NAALADL2: variants seen among roughly 807,000 people sequenced by gnomAD.
NAALADL2 encodes inactive N-acetylated-alpha-linked acidic dipeptidase-like protein 2.
In NAALADL2, 76 loss-of-function variants were observed where a neutral mutation model predicts 87.2. The ratio of observed to expected loss-of-function variants is 0.87; its 90% CI spans 0.72 to 1.05. NAALADL2 has a LOEUF of 1.05. Among genes scored for constraint, NAALADL2 ranks in the 50% least tolerant of loss-of-function variants. The pLI is 0.00. For synonymous variants in NAALADL2, 354 were observed against 331.0 expected (o/e 1.07, Z -0.75); for missense variants, 1,089 against 945.8 (o/e 1.15, Z -1.99).
In NAALADL2 at chr3:175,037,973, G is replaced by A. The variant is rs550157887; in HGVS notation, c.44-58817G>A. Among the ~76,000 whole-genome samples, 74 of 152,238 alleles carry A rather than the reference G, an allele frequency of 4.9e-4. 1 individual carries two copies. The highest frequency in any genetic ancestry group is 4.4e-3 in the South Asian group (21 of 4,826). ...CGTGGATTTAAAAAGCCGAAGTAAA[G>A]ACTTTCTTGGCCTCCCTCCTAATTG... is the stretch of plus-strand genomic sequence containing the variant. On this transcript the variant is annotated intron_variant, in intron 1 of 13. Coordinates refer to ENST00000454872, the MANE Select transcript of NAALADL2 (RefSeq NM_207015.3).
chr3:175,592,307 CTTTTTTTT>C (rs758914649), intron 10 of NAALADL2, among the ~76,000 whole-genome samples: 2 of 43,248 alleles, frequency 4.6e-5, no homozygotes, highest in Non-Finnish European at 7.2e-5. Context: ...TTTTTCTTTT[CTTTTTTTT>C]TTTTTTTTTG....
rs117865739 is a variant in NAALADL2, at chr3:175,374,699, C to G, written c.1090+50374C>G. 4.5e-4 allele frequency among the ~76,000 whole-genome samples: 67 copies of G among 149,320 alleles called. No individual in the cohort carries two copies. In the East Asian group the frequency reaches 0.013, roughly 30 times the overall value. ...ACCAGCCTGGGCAACATGGAGAAAA[C>G]TCATCTCTGCAGAAAATGGAAAAAT... On this transcript the variant is annotated intron_variant, in intron 5 of 13. Coordinates refer to ENST00000454872, the MANE Select transcript of NAALADL2 (RefSeq NM_207015.3).
At chr3:174,754,094 T>C (rs1711641789) in intron 3 of NAALADL2, among the ~76,000 whole-genome samples, 1 of 152,208 alleles carries the variant, frequency 6.6e-6, no homozygotes, top group African/African-American at 2.4e-5. Flanking sequence ...TTATGGCAGC[T>C]TGAGCTAAGA....
chr3:174,605,798 C>A (rs940280642), intron 2 of NAALADL2, among the ~76,000 whole-genome samples: 2 of 152,142 alleles, frequency 1.3e-5, no homozygotes, highest in Non-Finnish European at 2.9e-5. Flanking sequence ...CCCTGTTTGA[C>A]AGCTTTGAAG....
chr3:174,898,773 A>G (rs547086044), intron 1 of NAALADL2, among the ~76,000 whole-genome samples: 247 of 147,034 alleles, frequency 1.7e-3, no homozygotes, highest in African/African-American at 5.7e-3. Context: ...AGATAAAACT[A>G]AACTGTATTT....
chr3:175,712,923 G>A (rs1740723644), intron 11 of NAALADL2, among the ~76,000 whole-genome samples: 1 of 152,022 alleles, frequency 6.6e-6, no homozygotes, highest in Non-Finnish European at 1.5e-5. Context: ...CTGAGATTTG[G>A]GGGGTTAGAT....
intron 4 of NAALADL2, among the ~76,000 whole-genome samples, chr3:175,303,477 A>G (rs1457271441): frequency 6.6e-6 from 1 of 152,116 alleles, no homozygotes; most frequent in Non-Finnish European, 1.5e-5. Flanking sequence ...AAAATTTCCC[A>G]TATTTCTGAT....
intron 2 of NAALADL2, among the ~76,000 whole-genome samples, chr3:174,567,234 A>C (rs1287261875): frequency 1.3e-5 from 2 of 151,648 alleles, no homozygotes; most frequent in Non-Finnish European, 3.0e-5. Flanking sequence ...CATTTAATAA[A>C]ATTGGAAATA....
At chr3:174,710,435 G>A (rs2108912258) in intron 2 of NAALADL2, among the ~76,000 whole-genome samples, 1 of 152,028 alleles carries the variant, frequency 6.6e-6, no homozygotes, top group Middle Eastern at 3.4e-3. Flanking sequence ...TGTATTTTTA[G>A]TAGAGACGGG....
chr3:175,550,216 G>A (rs1714117123), intron 9 of NAALADL2, among the ~76,000 whole-genome samples: 1 of 152,090 alleles, frequency 6.6e-6, no homozygotes, highest in Non-Finnish European at 1.5e-5. Flanking sequence ...CTGTCAACAT[G>A]ATATTTTAAA....
chr3:175,711,193 T>C (rs1480801177), intron 11 of NAALADL2, among the ~76,000 whole-genome samples: 1 of 151,878 alleles, frequency 6.6e-6, no homozygotes, highest in African/African-American at 2.4e-5. Flanking sequence ...ATTATATATA[T>C]TATTTTAATT....
At chr3:174,493,119 T>G (rs1336493348) in intron 1 of NAALADL2, among the ~76,000 whole-genome samples, 1 of 152,192 alleles carries the variant, frequency 6.6e-6, no homozygotes, top group East Asian at 1.9e-4. Flanking sequence ...CCAGCTTTTT[T>G]ATTTGAGTGA....
chr3:175,765,349 A>G (rs1221662664), intron 13 of NAALADL2, among the ~76,000 whole-genome samples: 2 of 152,154 alleles, frequency 1.3e-5, no homozygotes, highest in Non-Finnish European at 2.9e-5. Flanking sequence ...TAAAAGGAGC[A>G]GAAAAGCCCC....
rs528272427 is a variant in NAALADL2, at chr3:174,982,964, AT to A, written c.44-113819del. 9.2e-5 allele frequency among the ~76,000 whole-genome samples: 14 copies of A among 152,054 alleles called. 1 individual carries two copies. The South Asian group carries it at 2.7e-3, about 29-fold the overall frequency. On this transcript the variant is annotated intron_variant, in intron 1 of 13. Transcript: ENST00000454872. ...AGGTGCCCGCCACCACGCCTGGCTAATTTTTTTGTATTTTTAGTAGAGACGG... is the reference window on the plus strand; with the variant it reads ...AGGTGCCCGCCACCACGCCTGGCTAATTTTTTGTATTTTTAGTAGAGACGG...
intron 2 of NAALADL2, among the ~76,000 whole-genome samples, chr3:175,230,800 T>C (rs1268848349): frequency 6.6e-6 from 1 of 152,066 alleles, no homozygotes; most frequent in East Asian, 1.9e-4. Context: ...ATGGAGGAAG[T>C]AGAACTGTCA....
chr3:174,834,245 C>T (rs374967716), intron 3 of NAALADL2, among the ~76,000 whole-genome samples: 1,798 of 146,796 alleles, frequency 0.012, 37 homozygotes, highest in African/African-American at 0.044. Context: ...AGAGATTTGC[C>T]AAAATTTAAT....
At chr3:175,503,595 T>G (rs1188336594) in intron 9 of NAALADL2, among the ~76,000 whole-genome samples, 1 of 152,182 alleles carries the variant, frequency 6.6e-6, no homozygotes, top group African/African-American at 2.4e-5. Flanking sequence ...TAGTATGTGT[T>G]ATTTTTTGAC....
intron 3 of NAALADL2, among the ~76,000 whole-genome samples, chr3:174,812,652 A>G (rs1052000558): frequency 6.6e-6 from 1 of 152,110 alleles, no homozygotes; most frequent in African/African-American, 2.4e-5. Flanking sequence ...TAACAGGTCC[A>G]TGCATGCTAT....
intron 2 of NAALADL2, among the ~76,000 whole-genome samples, chr3:174,706,371 A>G (rs1454327435): frequency 6.6e-6 from 1 of 152,250 alleles, no homozygotes; most frequent in African/African-American, 2.4e-5. Context: ...ACATAACAGT[A>G]GAAATCCTCA....
Sources: gnomAD v4.1 joint callset for allele counts (sites outside exome capture counted in the v4.1 genomes callset) on GRCh38, gnomAD v4.1.1 for gene constraint, MANE v1.5 for transcripts, NCBI Gene and HGNC (gene_info 2026-07-23, HGNC 2026-07-21) for gene names.